LRRC36: variants seen among roughly 807,000 people sequenced by gnomAD.
The protein encoded by LRRC36 is leucine rich repeat containing 36, also known as leucine-rich repeat-containing protein 36.
Under a neutral mutation model 81.1 loss-of-function variants are expected in LRRC36, and 62 were observed. The observed-to-expected ratio is 0.76, with a 90% CI of 0.62 to 0.94. LRRC36 has a LOEUF of 0.94. Among genes scored for constraint, LRRC36 ranks in the 40% least tolerant of loss-of-function variants. The pLI is 0.00. For missense variants in LRRC36, 761 were observed against 881.7 expected (o/e 0.86, Z 1.73); for synonymous variants, 334 against 348.6 (o/e 0.96, Z 0.47).
rs904436943 is a variant in LRRC36 at position 67,372,314 on chromosome 16, G to A, written c.1494+1072G>A. Among the ~76,000 whole-genome samples the A allele has an allele frequency of 3.3e-5, 5 of 151,022 alleles. No homozygotes were observed. The Admixed American group carries it at 3.3e-4, about 10-fold the overall frequency. ...GGAGGTTGTGGTGAGCCGAGATCGCGCCATTGCACTCCAGCCTAGGCAACA... is the reference window on the plus strand; with the variant it reads ...GGAGGTTGTGGTGAGCCGAGATCGCACCATTGCACTCCAGCCTAGGCAACA... On this transcript the variant is annotated intron_variant, in intron 9 of 13. Coordinates refer to ENST00000329956, the MANE Select transcript of LRRC36 (RefSeq NM_018296.6).
chr16:67,336,779 T>A (rs954101296), intron 1 of LRRC36: 10 of 148,062 alleles, frequency 6.8e-5, no homozygotes, highest in Non-Finnish European at 1.0e-4. Context: ...TTTTTTTTTT[T>A]ATGGAAATAG....
intron 1 of LRRC36, among the ~76,000 whole-genome samples, chr16:67,337,211 A>G: frequency 6.6e-6 from 1 of 152,184 alleles, no homozygotes; most frequent in East Asian, 1.9e-4. Context: ...GTTGGTGTAC[A>G]AATACTGTTC....
At chr16:67,328,339 G>C (rs556043528) in intron 1 of LRRC36, among the ~76,000 whole-genome samples, 2 of 152,050 alleles carry the variant, frequency 1.3e-5, no homozygotes, top group Admixed American at 1.3e-4. Context: ...GTGAAACCCC[G>C]TCTCTACTAA....
chr16:67,350,992 C>T (rs948125180), intron 5 of LRRC36, among the ~76,000 whole-genome samples: 1 of 152,104 alleles, frequency 6.6e-6, no homozygotes, highest in Admixed American at 6.5e-5. Flanking sequence ...GAGCCGAGAT[C>T]ACGCCATTGC....
intron 1 of LRRC36, among the ~76,000 whole-genome samples, chr16:67,328,382 G>T (rs1281361748): frequency 2.6e-5 from 4 of 151,972 alleles, no homozygotes; most frequent in African/African-American, 9.7e-5. Context: ...GCATGGTGGC[G>T]GGCGCCTGTA....
At position 67,337,327 on chromosome 16, in the gene LRRC36, G is replaced by A. The variant is rs112839357; in HGVS notation, c.71-4630G>A. On this transcript the variant is annotated intron_variant, in intron 1 of 13. Coordinates refer to ENST00000329956, the MANE Select transcript of LRRC36 (RefSeq NM_018296.6). ...ATTTGGTCTTCATTTCAAAAATGAC[G>A]TTTTAATTTTTATTATTTCTTTCTT... Among the ~76,000 whole-genome samples the A allele has an allele frequency of 1.5e-3, 227 of 149,882 alleles. 1 individual carries two copies. The highest frequency in any genetic ancestry group is 2.4e-3 in the Non-Finnish European group (161 of 67,452).
Position 67,363,595 on chromosome 16 carries a change from A to G in LRRC36, c.583A>G (p.Asn195Asp). The G allele has an allele frequency of 1.2e-6, 2 of 1,613,802 alleles. No homozygotes were observed. The highest frequency in any genetic ancestry group is 1.1e-5 in the South Asian group (1 of 91,072). ...TGCTTTTTCTTTTAACACAGACTCA[A>G]ACAAAGGACTTTTTATTCCCTTCCC... ...NVDSRIEMDSNKGLFIPFPNR... is the reference protein window; with the variant it reads ...NVDSRIEMDSDKGLFIPFPNR... Residue 195 changes from asparagine to aspartate, a missense_variant, in exon 6 of 14, where the codon AAC becomes GAC. Physicochemically the swap from Asn to Asp is conservative, Grantham distance 23. Transcript: ENST00000329956.
rs1361563642 is a variant in LRRC36 at position 67,361,279 on chromosome 16, A to C, written c.578-2311A>C. Reference sequence around the variant, plus strand: ...ACTCCTGGGCTCAAGTGATCCACCCACCTGGGCCTCCCAAAGTGTTGGGAT... The same window carrying C: ...ACTCCTGGGCTCAAGTGATCCACCCCCCTGGGCCTCCCAAAGTGTTGGGAT... On this transcript the variant is annotated intron_variant, in intron 5 of 13. Transcript: ENST00000329956. 2.0e-5 allele frequency among the ~76,000 whole-genome samples: 3 copies of C among 152,206 alleles called. No individual in the cohort carries two copies. In the East Asian group the frequency reaches 5.8e-4, roughly 29 times the overall value.
At chr16:67,356,280 C>A (rs2038899380) in intron 5 of LRRC36, among the ~76,000 whole-genome samples, 1 of 152,180 alleles carries the variant, frequency 6.6e-6, no homozygotes, top group South Asian at 2.1e-4. Context: ...CATTGAAATC[C>A]ATCCCACTTC....
chr16:67,359,477 G>A (rs2039050044), intron 5 of LRRC36, among the ~76,000 whole-genome samples: 1 of 152,142 alleles, frequency 6.6e-6, no homozygotes, highest in Admixed American at 6.5e-5. Context: ...AGGATGGAAG[G>A]GAGGGAAAAA....
At chr16:67,362,231 C>T (rs746497096) in intron 5 of LRRC36, 14 of 449,574 alleles carry the variant, frequency 3.1e-5, no homozygotes, top group Admixed American at 4.8e-5. Context: ...GGCGCGATCT[C>T]GGCTCACTGC....
rs369792248 is a variant in LRRC36, at chr16:67,382,125, C to T, written c.1931-8C>T. The T allele has an allele frequency of 1.6e-5, 26 of 1,591,748 alleles. No homozygotes were observed. Among genetic ancestry groups the T allele is most frequent in the Non-Finnish European group, 2.2e-5 (25 of 1,159,852 alleles). Reference sequence around the variant, plus strand: ...CCTTTTCACCCCTGGCTACTGTGCCCTTTGTAGATGATCTTCTGCACAAAA... The same window carrying T: ...CCTTTTCACCCCTGGCTACTGTGCCTTTTGTAGATGATCTTCTGCACAAAA... On this transcript the variant is annotated splice_polypyrimidine_tract_variant and splice_region_variant and intron_variant, in intron 12 of 13. Coordinates refer to ENST00000329956, the MANE Select transcript of LRRC36 (RefSeq NM_018296.6).
At chr16:67,329,371 A>G (rs1044799330) in intron 1 of LRRC36, among the ~76,000 whole-genome samples, 2 of 151,464 alleles carry the variant, frequency 1.3e-5, no homozygotes, top group East Asian at 3.9e-4. Context: ...GCTCACTGCA[A>G]CCTCTGCCTC....
intron 13 of LRRC36, among the ~76,000 whole-genome samples, chr16:67,383,041 C>T (rs1196330312): frequency 1.4e-5 from 2 of 146,300 alleles, no homozygotes; most frequent in Non-Finnish European, 1.5e-5. Context: ...CCATTGCTCT[C>T]CAGCCTGTCA....
Position 67,370,972 on chromosome 16 carries a change from T to C in LRRC36, c.1224T>C (p.Ser408=). Residue 408 remains serine (S), a synonymous_variant, in exon 9 of 14, where the codon AGT becomes AGC. Transcript: ENST00000329956. ...TGTATGCCACAACCCATTTCAACAG[T>C]GACCCTGCTGTACTTGTCAATGTAG... ...SDLYATTHFN[S]DPAVLVNVEQ... 6.2e-7 allele frequency: 1 copy of C among 1,613,862 alleles called. No individual in the cohort carries two copies.
chr16:67,354,337 G>A (rs1597460547), intron 5 of LRRC36, among the ~76,000 whole-genome samples: 1 of 152,122 alleles, frequency 6.6e-6, no homozygotes, highest in African/African-American at 2.4e-5. Flanking sequence ...GAGTGCAGTG[G>A]CGTCATCTCG....
At chr16:67,361,717 C>T (rs1479195154) in intron 5 of LRRC36, among the ~76,000 whole-genome samples, 3 of 151,850 alleles carry the variant, frequency 2.0e-5, no homozygotes, top group South Asian at 2.1e-4. Flanking sequence ...GGATTACAGG[C>T]GCCCACGCCT....
chr16:67,343,748 C>T (rs983187540), intron 2 of LRRC36, among the ~76,000 whole-genome samples: 1 of 151,690 alleles, frequency 6.6e-6, no homozygotes, highest in Non-Finnish European at 1.5e-5. Context: ...ATATAAGACT[C>T]CTGGTACAGT....
In LRRC36 at chr16:67,378,528, C is replaced by T. The variant is rs749942611; in HGVS notation, c.1807-61C>T. ...GTGCTAGGATTACAGGCGTGAGCCA[C>T]GGCACCCAGCCTAGAATGTCAGATT... On this transcript the variant is annotated intron_variant, in intron 11 of 13. Coordinates refer to ENST00000329956, the MANE Select transcript of LRRC36 (RefSeq NM_018296.6). The T allele has an allele frequency of 6.9e-5, 106 of 1,546,874 alleles. 1 individual carries two copies. Among genetic ancestry groups the T allele is most frequent in the South Asian group, 1.8e-4 (16 of 88,242 alleles).
Sources: allele counts gnomAD v4.1 joint callset (sites outside exome capture counted in the v4.1 genomes callset), GRCh38; gene constraint gnomAD v4.1.1; transcripts MANE v1.5; gene names NCBI Gene and HGNC (gene_info 2026-07-23, HGNC 2026-07-21).